The following SLC38A6 variants were observed in gnomAD, a reference collection of about 807,000 sequenced individuals.
The protein encoded by SLC38A6 is solute carrier family 38 member 6.
Under a neutral mutation model 65.0 loss-of-function variants are expected in SLC38A6, and 73 were observed. That is an observed-to-expected ratio of 1.12 (90% CI 0.93 to 1.37). The LOEUF is 1.37. Among genes scored for constraint, SLC38A6 ranks in the 40% most tolerant of loss-of-function variants. The probability of loss-of-function intolerance (pLI) is 0.00; values close to 1 mark genes in which losing one functional copy is unlikely to be tolerated. For synonymous variants in SLC38A6, 183 were observed against 178.8 expected (o/e 1.02, Z -0.19); for missense variants, 561 against 531.1 (o/e 1.06, Z -0.55).
chr14:61,044,500 TC>T (rs1444293404), intron 10 of SLC38A6, among the ~76,000 whole-genome samples: 1 of 152,160 alleles, frequency 6.6e-6, no homozygotes, highest in Non-Finnish European at 1.5e-5. Context: ...CACTACAGCT[TC>T]CTCTCTCCTA....
intron 12 of SLC38A6, among the ~76,000 whole-genome samples, chr14:61,050,240 T>C (rs1248953078): frequency 6.6e-6 from 1 of 152,190 alleles, no homozygotes; most frequent in Non-Finnish European, 1.5e-5. Context: ...CCTTAGATTA[T>C]GGAAAAGTTC....
At chr14:60,994,208 T>G (rs2038106529) in intron 3 of SLC38A6, among the ~76,000 whole-genome samples, 1 of 152,218 alleles carries the variant, frequency 6.6e-6, no homozygotes, top group African/African-American at 2.4e-5. Context: ...TGAAAGAATT[T>G]TAAAAACTGA....
intron 15 of SLC38A6, among the ~76,000 whole-genome samples, chr14:61,071,577 G>A (rs898746412): frequency 7.4e-4 from 112 of 152,028 alleles, no homozygotes; most frequent in African/African-American, 2.5e-3. Context: ...AGCTACTTGC[G>A]AGGCTGAGGT....
At chr14:61,004,191 G>C (rs182900566) in intron 3 of SLC38A6, among the ~76,000 whole-genome samples, 1 of 152,218 alleles carries the variant, frequency 6.6e-6, no homozygotes, top group African/African-American at 2.4e-5. Context: ...GAATCTTTCA[G>C]TATTATGGTT....
intron 3 of SLC38A6, among the ~76,000 whole-genome samples, chr14:60,999,597 T>C (rs2038557004): frequency 6.6e-6 from 1 of 152,196 alleles, no homozygotes; most frequent in Non-Finnish European, 1.5e-5. Flanking sequence ...AAACCTGTAA[T>C]TGTTACCTTA....
intron 5 of SLC38A6, 141 bp downstream of exon 5, chr14:61,019,721 T>C: frequency 3.1e-6 from 1 of 320,046 alleles, no homozygotes; most frequent in Non-Finnish European, 5.4e-6. Context: ...CTCTTTACTC[T>C]TTTTTTTTTT....
intron 3 of SLC38A6, among the ~76,000 whole-genome samples, chr14:61,006,679 G>A (rs988939455): frequency 2.0e-5 from 3 of 152,216 alleles, no homozygotes; most frequent in Admixed American, 6.5e-5. Context: ...GAAACAACAG[G>A]TGCTGGAGAG....
At chr14:61,024,759 C>T (rs990036951) in intron 5 of SLC38A6, among the ~76,000 whole-genome samples, 2 of 152,174 alleles carry the variant, frequency 1.3e-5, no homozygotes, top group African/African-American at 2.4e-5. Flanking sequence ...CAATCATCTT[C>T]TTAGTCAAGC....
chr14:61,053,028 C>G (rs2042588081), downstream of SLC38A6: 1 of 152,008 alleles, frequency 6.6e-6, no homozygotes, highest in Non-Finnish European at 1.5e-5. Context: ...CTGCTCCTCT[C>G]CCTCCTCCCA....
At chr14:61,034,116 A>G (rs999859124) in intron 6 of SLC38A6, 1 of 152,142 alleles carries the variant, frequency 6.6e-6, no homozygotes, top group Non-Finnish European at 1.5e-5. Flanking sequence ...GGGAGGAGGT[A>G]AAGTTATCTT....
intron 13 of SLC38A6, 74 bp from the exon 14 acceptor site, chr14:61,051,713 T>G (rs1295859980): frequency 1.3e-6 from 2 of 1,536,602 alleles, no homozygotes; most frequent in Non-Finnish European, 1.8e-6. Context: ...ATGGTTGTTG[T>G]ATATGTTTCT....
Position 60,992,329 on chromosome 14 carries a change from A to G in SLC38A6, c.310+7526A>G, listed in dbSNP as rs575629470. ...GGCTCAAATGTGCTCCTCTTCCTGT[A>G]CCGTACCTCCGTGAATGGTACCACC... is the stretch of plus-strand genomic sequence containing the variant. On this transcript the variant is annotated intron_variant, in intron 3 of 15. Transcript: ENST00000267488. 1.4e-4 allele frequency among the ~76,000 whole-genome samples: 22 copies of G among 152,264 alleles called. No homozygotes were observed. In the East Asian group the frequency reaches 4.2e-3, roughly 29 times the overall value.
chr14:61,046,634 T>C (rs989634174), intron 12 of SLC38A6, among the ~76,000 whole-genome samples: 3 of 152,212 alleles, frequency 2.0e-5, no homozygotes, highest in Non-Finnish European at 4.4e-5. Flanking sequence ...CAGATCTAAT[T>C]ATCACAGGAT....
At chr14:61,082,518 C>T (rs2043696632) in intron 16 of SLC38A6, among the ~76,000 whole-genome samples, 1 of 152,190 alleles carries the variant, frequency 6.6e-6, no homozygotes, top group Admixed American at 6.5e-5. Flanking sequence ...GCTGGGCTCT[C>T]ATGCCGAGCT....
At position 61,052,416 on chromosome 14, in the gene SLC38A6, G is replaced by T; in HGVS notation, c.1358G>T (p.Trp453Leu). Residue 453 changes from tryptophan to leucine, a missense_variant, in exon 16 of 16, where the codon TGG becomes TTG. By Grantham distance (61) the Trp-to-Leu change is moderately conservative (BLOSUM62 -2). Coordinates refer to ENST00000267488, the MANE Select transcript of SLC38A6 (RefSeq NM_153811.3). ...NFSLALIIFD[W>L]INK Reference sequence around the variant, plus strand: ...AGTTTAGCACTCATCATTTTTGATTGGATTAATAAATAAAAGAAATATTTT... The same window carrying T: ...AGTTTAGCACTCATCATTTTTGATTTGATTAATAAATAAAAGAAATATTTT... 1 of 1,556,956 alleles carries T rather than the reference G, an allele frequency of 6.4e-7. No homozygotes were observed. Among genetic ancestry groups the T allele is most frequent in the Non-Finnish European group, 8.6e-7 (1 of 1,156,128 alleles).
intron 3 of SLC38A6, 108 bp from the exon 4 acceptor site, chr14:61,015,796 C>T: frequency 1.4e-6 from 1 of 728,490 alleles, no homozygotes; most frequent in Non-Finnish European, 2.1e-6. Flanking sequence ...TGGCCTGGAT[C>T]ATAAGAATTA....
At chr14:61,075,647 T>A (rs1432326064) in intron 15 of SLC38A6, among the ~76,000 whole-genome samples, 1 of 151,982 alleles carries the variant, frequency 6.6e-6, no homozygotes, top group Non-Finnish European at 1.5e-5. Flanking sequence ...TCCACAGAGG[T>A]AGATCTTGGA....
At chr14:61,071,671 A>C (rs2043231890) in intron 15 of SLC38A6, among the ~76,000 whole-genome samples, 1 of 151,936 alleles carries the variant, frequency 6.6e-6, no homozygotes, top group Non-Finnish European at 1.5e-5. Context: ...TGACAGAGTA[A>C]AATCCTGTCT....
At chr14:61,059,494 G>C (rs1594768717) in intron 15 of SLC38A6, among the ~76,000 whole-genome samples, 1 of 3,982 alleles carries the variant, frequency 2.5e-4, no homozygotes, top group East Asian at 6.8e-3. Context: ...GAGATCCGCT[G>C]TTAGTCTGAT....
Sources: allele counts gnomAD v4.1 joint callset (sites outside exome capture counted in the v4.1 genomes callset), GRCh38; gene constraint gnomAD v4.1.1; transcripts MANE v1.5; gene names NCBI Gene and HGNC (gene_info 2026-07-23, HGNC 2026-07-21).